MAGI1: variants seen among roughly 807,000 people sequenced by gnomAD.
MAGI1 encodes the protein membrane associated guanylate kinase, WW and PDZ domain containing 1, also known as membrane-associated guanylate kinase, WW and PDZ domain-containing protein 1.
A neutral mutation model predicts 139.9 loss-of-function variants in MAGI1; 58 were observed. That is an observed-to-expected ratio of 0.41 (90% CI 0.34 to 0.52). MAGI1 has a LOEUF of 0.52. Ranked by LOEUF, MAGI1 falls within the 20% of genes least tolerant of loss-of-function variation. The pLI is 0.12. For synonymous variants in MAGI1, 812 were observed against 737.9 expected (o/e 1.10, Z -1.63); for missense variants, 1,874 against 1,901.6 (o/e 0.99, Z 0.27).
At chr3:65,802,848 CTGTGTGTGTGTGTGTGTGTGTGTGTGTG>C (rs55814110) in intron 1 of MAGI1, among the ~76,000 whole-genome samples, 1 of 138,224 alleles carries the variant, frequency 7.2e-6, no homozygotes, top group Non-Finnish European at 1.5e-5. Flanking sequence ...ATCATCTCAT[CTGTGTGTGTGTGTGTGTGTGTGTGTGTG>C]TGTGTGTGTG....
At chr3:65,394,097 C>T (rs555313265) in intron 13 of MAGI1, among the ~76,000 whole-genome samples, 1 of 152,228 alleles carries the variant, frequency 6.6e-6, no homozygotes, top group African/African-American at 2.4e-5. Flanking sequence ...GTTTTTGAAA[C>T]CCTCTCATGT....
intron 1 of MAGI1, among the ~76,000 whole-genome samples, chr3:65,770,697 T>C (rs2037877413): frequency 6.6e-6 from 1 of 152,178 alleles, no homozygotes; most frequent in African/African-American, 2.4e-5. Flanking sequence ...ATTTATTTAC[T>C]TATTTATTTT....
intron 1 of MAGI1, among the ~76,000 whole-genome samples, chr3:65,899,229 AAG>A (rs2061114715): frequency 6.6e-6 from 1 of 152,224 alleles, no homozygotes; most frequent in Non-Finnish European, 1.5e-5. Flanking sequence ...AAGGTGTTTT[AAG>A]TAATATATTC....
chr3:65,448,697 TACACAC>T (rs10591133), intron 6 of MAGI1, among the ~76,000 whole-genome samples: 31,276 of 149,500 alleles, frequency 0.21, 3,902 homozygotes, highest in Non-Finnish European at 0.28. Context: ...AGAAAACACA[TACACAC>T]ACACACACAC....
intron 2 of MAGI1, among the ~76,000 whole-genome samples, chr3:65,554,722 G>A (rs2080005755): frequency 6.6e-6 from 1 of 152,138 alleles, no homozygotes. Flanking sequence ...AATCTTTCTA[G>A]CACAAAGAAC....
intron 1 of MAGI1, among the ~76,000 whole-genome samples, chr3:65,632,622 A>G (rs953027898): frequency 6.6e-6 from 1 of 152,228 alleles, no homozygotes; most frequent in African/African-American, 2.4e-5. Flanking sequence ...TATTTCCATA[A>G]AAAGCTAAGA....
At chr3:65,468,995 G>C (rs1286400185) in intron 5 of MAGI1, among the ~76,000 whole-genome samples, 2 of 99,458 alleles carry the variant, frequency 2.0e-5, no homozygotes, top group Non-Finnish European at 4.2e-5. Flanking sequence ...ATAAATGTGT[G>C]TATACACACA....
intron 2 of MAGI1, among the ~76,000 whole-genome samples, chr3:65,588,979 T>C (rs1331358485): frequency 6.6e-6 from 1 of 152,194 alleles, no homozygotes; most frequent in Non-Finnish European, 1.5e-5. Flanking sequence ...CTTAAACTTA[T>C]ATTCTAGATA....
chr3:65,962,637 C>G (rs1259406454), intron 1 of MAGI1, among the ~76,000 whole-genome samples: 1 of 151,364 alleles, frequency 6.6e-6, no homozygotes, highest in East Asian at 2.0e-4. Context: ...GAGTTCAAGA[C>G]CAGCCTGGCC....
Position 65,356,488 on chromosome 3 carries a change from G to C in MAGI1, c.4279C>G (p.Arg1427Gly), listed in dbSNP as rs769205130. Reference sequence around the variant, plus strand: ...TTCAGATTCGCCTCTTCCCTTTCTCGGTGGCTGGCTCTGTCCTCTCTGTTC... The same window carrying C: ...TTCAGATTCGCCTCTTCCCTTTCTCCGTGGCTGGCTCTGTCCTCTCTGTTC... ...KRNREDRASH[R>G]EREEANLKQD... The change falls in exon 23 of 23, where the codon CGA becomes GGA. Residue 1427 changes from arginine (R) to glycine (G), a missense_variant. Around this residue, in one of 5 missense-constraint regions of MAGI1, gnomAD observed 653 missense variants for 644.5 expected, o/e 1.01. Coordinates refer to ENST00000402939, the MANE Select transcript of MAGI1 (RefSeq NM_001033057.2). 6.2e-7 allele frequency: 1 copy of C among 1,611,724 alleles called. No homozygotes were observed. The highest frequency in any genetic ancestry group is 8.5e-7 in the Non-Finnish European group (1 of 1,179,974).
At chr3:65,934,705 G>A (rs567325143) in intron 1 of MAGI1, among the ~76,000 whole-genome samples, 112 of 151,654 alleles carry the variant, frequency 7.4e-4, no homozygotes, top group African/African-American at 2.5e-3. Context: ...TTATAAAACC[G>A]AGTCCCTCTT....
chr3:65,680,817 T>C (rs2087544931), intron 1 of MAGI1, among the ~76,000 whole-genome samples: 1 of 144,850 alleles, frequency 6.9e-6, no homozygotes. Context: ...ATTATTAAAA[T>C]CATAATAATG....
chr3:65,665,762 T>C (rs2086476160), intron 1 of MAGI1, among the ~76,000 whole-genome samples: 1 of 152,122 alleles, frequency 6.6e-6, no homozygotes, highest in Non-Finnish European at 1.5e-5. Context: ...CCCCTCAAAG[T>C]TCCTAAATTT....
At chr3:65,719,011 C>G (rs1374232664) in intron 1 of MAGI1, among the ~76,000 whole-genome samples, 1 of 119,372 alleles carries the variant, frequency 8.4e-6, no homozygotes, top group Non-Finnish European at 1.7e-5. Flanking sequence ...TAGCACATAA[C>G]CCTACCAAAA....
intron 4 of MAGI1, among the ~76,000 whole-genome samples, chr3:65,473,415 C>T (rs1017198616): frequency 3.3e-5 from 5 of 152,110 alleles, no homozygotes; most frequent in African/African-American, 1.2e-4. Flanking sequence ...TCAATGGGTG[C>T]TTGGGACTGA....
chr3:65,777,599 GC>G (rs2038556519), intron 1 of MAGI1, among the ~76,000 whole-genome samples: 1 of 139,666 alleles, frequency 7.2e-6, no homozygotes, highest in African/African-American at 2.7e-5. Context: ...TGATTGTTGT[GC>G]CACTGCACTC....
intron 5 of MAGI1, 39 bp downstream of exon 5, chr3:65,470,244 A>G: frequency 7.0e-7 from 1 of 1,425,066 alleles, no homozygotes; most frequent in Non-Finnish European, 9.8e-7. Flanking sequence ...GGGAAAAGAA[A>G]GAGAGAGAGA....
intron 3 of MAGI1, among the ~76,000 whole-genome samples, chr3:65,487,699 T>C (rs915684602): frequency 6.6e-6 from 1 of 152,220 alleles, no homozygotes; most frequent in Non-Finnish European, 1.5e-5. Flanking sequence ...TTGCCTGTCA[T>C]AGAATGTATC....
chr3:65,764,474 G>C (rs564909168), intron 1 of MAGI1, among the ~76,000 whole-genome samples: 17 of 152,268 alleles, frequency 1.1e-4, no homozygotes, highest in African/African-American at 3.8e-4. Context: ...GTTTTCAAAA[G>C]AACCAACATT....
Sources: allele counts gnomAD v4.1 joint callset (sites outside exome capture counted in the v4.1 genomes callset), GRCh38; gene constraint gnomAD v4.1.1; regional missense constraint gnomAD v4.1.1; transcripts MANE v1.5; gene names NCBI Gene and HGNC (gene_info 2026-07-23, HGNC 2026-07-21).